GFPT1: variants seen among roughly 807,000 people sequenced by gnomAD.
The protein encoded by GFPT1 is glutamine--fructose-6-phosphate transaminase 1, also known as glutamine--fructose-6-phosphate aminotransferase [isomerizing] 1.
GFPT1 carries 40 observed loss-of-function variants against 92.0 expected under a neutral mutation model. The observed-to-expected ratio is 0.43, with a 90% CI of 0.34 to 0.57. The LOEUF is 0.57. GFPT1 is among the 20% of genes least tolerant of loss of function. The probability of loss-of-function intolerance (pLI) is 0.02; values close to 1 mark genes in which losing one functional copy is unlikely to be tolerated. For synonymous variants in GFPT1, 269 were observed against 280.6 expected (o/e 0.96, Z 0.41); for missense variants, 448 against 869.1 (o/e 0.52, Z 6.09).
intron 19 of GFPT1, among the ~76,000 whole-genome samples, chr2:69,326,509 G>A (rs1283009312): frequency 6.6e-6 from 1 of 152,174 alleles, no homozygotes; most frequent in Non-Finnish European, 1.5e-5. Context: ...AGCCCTCATA[G>A]GGGACACTAA....
rs202193663 is a variant in GFPT1 at position 69,347,480 on chromosome 2, C to CTT, written c.1009+689_1009+690dup. Among the ~76,000 whole-genome samples the CTT allele has an allele frequency of 5.7e-3, 822 of 144,342 alleles. 13 individuals are homozygous for CTT. The highest frequency in any genetic ancestry group is 0.018 in the African/African-American group (701 of 39,212). 94.7% of individuals were successfully genotyped at this position (144,342 alleles called of 152,430 possible). ...GTGTGTCAGACACTGTTTTAAGCTT[C>CTT]TTTTTTTTTTTTTTGAGACAGAGTT... On this transcript the variant is annotated intron_variant, in intron 11 of 19. Transcript: ENST00000357308.
intron 18 of GFPT1, 151 bp from the exon 19 acceptor site, chr2:69,327,226 T>A (rs1166967310): frequency 1.4e-6 from 1 of 731,934 alleles, no homozygotes; most frequent in Non-Finnish European, 2.4e-6. Flanking sequence ...CTGATTGTTA[T>A]TACTTATAGT....
intron 15 of GFPT1, among the ~76,000 whole-genome samples, chr2:69,334,175 G>A (rs925325348): frequency 7.3e-5 from 11 of 151,708 alleles, no homozygotes; most frequent in African/African-American, 2.4e-4. Context: ...AATAATAATA[G>A]TAATAATAAT....
chr2:69,386,809 G>A lies in GFPT1; in HGVS notation c.7+256C>T, dbSNP rs371170003. On this transcript the variant is annotated intron_variant, in intron 1 of 19. Transcript: ENST00000357308. ...TCTCTCCCCTTTCGGTTCCTTCTCC[G>A]CGCCAAGGCGCCCGCTAGCCCCCGG... 2.3e-4 allele frequency among the ~76,000 whole-genome samples: 35 copies of A among 151,952 alleles called. No individual in the cohort carries two copies. The East Asian group carries it at 6.2e-3, about 27-fold the overall frequency.
chr2:69,351,296 T>C (rs1281436013), intron 9 of GFPT1, among the ~76,000 whole-genome samples: 1 of 152,224 alleles, frequency 6.6e-6, no homozygotes, highest in Admixed American at 6.5e-5. Context: ...ACTGGAATGC[T>C]AAGGTTTTAT....
intron 1 of GFPT1, among the ~76,000 whole-genome samples, chr2:69,378,040 G>C (rs760377899): frequency 6.6e-6 from 1 of 152,112 alleles, no homozygotes; most frequent in Non-Finnish European, 1.5e-5. Context: ...TTTTGAAACA[G>C]AGTCTCGCTT....
chr2:69,369,375 AT>A (rs985282624), intron 3 of GFPT1, among the ~76,000 whole-genome samples: 7 of 152,122 alleles, frequency 4.6e-5, no homozygotes, highest in Non-Finnish European at 8.8e-5. Context: ...TTTTAAAAAT[AT>A]TTTTTCAATC....
rs1670464561 is a variant in GFPT1 at position 69,323,650 on chromosome 2, C to T, written c.*2539G>A. Reference sequence around the variant, plus strand: ...AGTTGCTGAGACTACAGGCACAAGCCACCATGCCCAGCCCATTTAAAAAAA... The same window carrying T: ...AGTTGCTGAGACTACAGGCACAAGCTACCATGCCCAGCCCATTTAAAAAAA... On this transcript the variant is annotated 3_prime_UTR_variant, in exon 20 of 20. Coordinates refer to ENST00000357308, the MANE Select transcript of GFPT1 (RefSeq NM_001244710.2). The T allele has an allele frequency of 2.6e-5, 4 of 151,134 alleles. No homozygotes were observed. Among genetic ancestry groups the T allele is most frequent in the African/African-American group, 9.8e-5 (4 of 40,918 alleles). The allele number at this position is 151,134 out of a possible 1,614,324, so 9.4% of individuals were successfully genotyped here.
intron 6 of GFPT1, among the ~76,000 whole-genome samples, chr2:69,357,599 A>G (rs1045502780): frequency 2.6e-5 from 4 of 152,188 alleles, no homozygotes; most frequent in African/African-American, 9.6e-5. Context: ...TGCTACAGAT[A>G]TAAGATTTGG....
chr2:69,370,293 C>G (rs1035656690), intron 2 of GFPT1, among the ~76,000 whole-genome samples, 185 bp from the exon 3 acceptor site: 1 of 152,042 alleles, frequency 6.6e-6, no homozygotes, highest in African/African-American at 2.4e-5. Context: ...GACACAAAAA[C>G]AAAAATAACT....
chr2:69,337,835 G>A, intron 15 of GFPT1, 63 bp downstream of exon 15: 1 of 1,306,854 alleles, frequency 7.7e-7, no homozygotes, highest in Non-Finnish European at 1.1e-6. Flanking sequence ...CTAGTCTACA[G>A]ACTAGTCTGC....
At position 69,329,710 on chromosome 2, in the gene GFPT1, AT is replaced by A; in HGVS notation, c.1570del (p.Ile524SerfsTer5). ...AGGCAGCCGTTTCAATCCAAGCATG[AT>A]CTCTTTGCGTCTTTCTTGCATGGAG... ...RISMQERRKE[I>X]MLGLKRLPDL... On this transcript the variant is annotated frameshift_variant, in exon 16 of 20. Transcript: ENST00000357308. LOFTEE classifies it high-confidence loss of function. The A allele has an allele frequency of 6.2e-7, 1 of 1,612,070 alleles. No homozygotes were observed. The highest frequency in any genetic ancestry group is 8.5e-7 in the Non-Finnish European group (1 of 1,178,150).
chr2:69,334,322 C>T (rs922075744), intron 15 of GFPT1, among the ~76,000 whole-genome samples: 2 of 151,860 alleles, frequency 1.3e-5, no homozygotes, highest in Non-Finnish European at 2.9e-5. Flanking sequence ...ACTTTAGAAT[C>T]CAAGAAAAAT....
At chr2:69,359,363 G>C (rs1260990047) in intron 4 of GFPT1, 37 bp from the exon 5 acceptor site, 1 of 1,228,088 alleles carries the variant, frequency 8.1e-7, no homozygotes, top group Middle Eastern at 2.7e-4. Context: ...AAAAAAGTTA[G>C]AAGTATGATA....
chr2:69,338,077 C>T, intron 14 of GFPT1, 22 bp from the exon 15 acceptor site: 1 of 1,611,634 alleles, frequency 6.2e-7, no homozygotes, highest in South Asian at 1.1e-5. Context: ...GTAGGCCAAC[C>T]ATAACACACA....
At chr2:69,339,325 A>C (rs1279577359) in intron 13 of GFPT1, among the ~76,000 whole-genome samples, 1 of 152,196 alleles carries the variant, frequency 6.6e-6, no homozygotes, top group Non-Finnish European at 1.5e-5. Context: ...ACCATTTCCC[A>C]AAAGAAGTCA....
rs1031903156 is a variant in GFPT1 at position 69,322,654 on chromosome 2, C to T, written c.*3535G>A. ...CTCCTATGAAACCTAAGAGAGAAAA[C>T]CTGTAATAGCTCTCTTAACCAACAG... On this transcript the variant is annotated 3_prime_UTR_variant, in exon 20 of 20. Transcript: ENST00000357308. 1.3e-5 allele frequency: 2 copies of T among 152,140 alleles called. No homozygotes were observed. Among genetic ancestry groups the T allele is most frequent in the African/African-American group, 4.8e-5 (2 of 41,432 alleles). The allele number at this position is 152,140 out of a possible 1,614,324, so 9.4% of individuals were successfully genotyped here.
chr2:69,337,089 G>C (rs1670819281), intron 15 of GFPT1, among the ~76,000 whole-genome samples: 1 of 132,140 alleles, frequency 7.6e-6, no homozygotes, highest in African/African-American at 3.0e-5. Context: ...TTTTTAGATG[G>C]ACTCTTGCTC....
Position 69,320,421 on chromosome 2 carries a change from A to G in GFPT1, c.*5768T>C, listed in dbSNP as rs1205694415. The G allele has an allele frequency of 3.3e-5, 5 of 152,236 alleles. No homozygotes were observed. The highest frequency in any genetic ancestry group is 7.3e-5 in the Non-Finnish European group (5 of 68,058). The allele number at this position is 152,236 out of a possible 1,614,324, so 9.4% of individuals were successfully genotyped here. On this transcript the variant is annotated 3_prime_UTR_variant, in exon 20 of 20. Transcript: ENST00000357308. ...CTCCCTATACTTATCTCCATTTCAAAATATACAAAGCTGAGTGACAGAGGC... is the reference window on the plus strand; with the variant it reads ...CTCCCTATACTTATCTCCATTTCAAGATATACAAAGCTGAGTGACAGAGGC...
Sources: gnomAD v4.1 joint callset for allele counts (sites outside exome capture counted in the v4.1 genomes callset) on GRCh38, gnomAD v4.1.1 for gene constraint, MANE v1.5 for transcripts, NCBI Gene and HGNC (gene_info 2026-07-23, HGNC 2026-07-21) for gene names.